Variants in FOXP1 observed in about 807,000 individuals in gnomAD.
The protein encoded by FOXP1 is forkhead box P1, also known as forkhead box protein P1.
In FOXP1, 15 loss-of-function variants were observed where a neutral mutation model predicts 98.2. The observed-to-expected ratio is 0.15, with a 90% CI of 0.10 to 0.24. The LOEUF (loss-of-function observed/expected upper bound fraction) is 0.24. Ranked by LOEUF, FOXP1 falls within the 10% of genes least tolerant of loss-of-function variation. The pLI, the probability that FOXP1 is intolerant of heterozygous loss-of-function variation, is 1.00. For missense variants in FOXP1, 633 were observed against 848.5 expected (o/e 0.75, Z 3.15); for synonymous variants, 371 against 314.5 (o/e 1.18, Z -1.90).
At chr3:71,283,226 C>T (rs775886599) in intron 5 of FOXP1, among the ~76,000 whole-genome samples, 4 of 152,150 alleles carry the variant, frequency 2.6e-5, no homozygotes, top group Non-Finnish European at 4.4e-5. Context: ...CTTGGGTTTA[C>T]GGACTCACAG....
intron 13 of FOXP1, among the ~76,000 whole-genome samples, chr3:70,996,194 G>A (rs1276218846): frequency 2.0e-5 from 3 of 152,180 alleles, no homozygotes; most frequent in East Asian, 3.9e-4. Context: ...ATGTTGGTCA[G>A]GCTGGTCTCG....
chr3:70,975,119 C>CG (rs2037221682), intron 17 of FOXP1, among the ~76,000 whole-genome samples: 1 of 152,184 alleles, frequency 6.6e-6, no homozygotes, highest in Non-Finnish European at 1.5e-5. Flanking sequence ...ATTAATGACA[C>CG]TTTTTCCTGC....
intron 6 of FOXP1, among the ~76,000 whole-genome samples, chr3:71,128,947 T>C (rs1248698649): frequency 6.6e-6 from 1 of 152,194 alleles, no homozygotes; most frequent in Admixed American, 6.5e-5. Flanking sequence ...AATGCATTTA[T>C]TATTTTCTGT....
intron 7 of FOXP1, among the ~76,000 whole-genome samples, chr3:71,079,701 A>T (rs1321842668): frequency 1.3e-5 from 2 of 152,116 alleles, no homozygotes; most frequent in African/African-American, 2.4e-5. Context: ...GGTTATTCCC[A>T]CTTATTACCT....
At chr3:71,530,980 T>A (rs999244647) in intron 2 of FOXP1, among the ~76,000 whole-genome samples, 3 of 152,188 alleles carry the variant, frequency 2.0e-5, no homozygotes, top group African/African-American at 7.2e-5. Context: ...TGGAAGTAGA[T>A]CATAATTTTA....
chr3:71,127,374 T>A (rs535083557), intron 6 of FOXP1, among the ~76,000 whole-genome samples: 3 of 152,322 alleles, frequency 2.0e-5, no homozygotes, highest in Admixed American at 2.0e-4. Context: ...TTGTGGAAGT[T>A]AAATTGCCAA....
At chr3:71,046,633 A>G (rs1019960972) in intron 10 of FOXP1, among the ~76,000 whole-genome samples, 5 of 152,190 alleles carry the variant, frequency 3.3e-5, no homozygotes, top group African/African-American at 1.2e-4. Flanking sequence ...TCCAAACAGA[A>G]ACACTGCAAG....
intron 3 of FOXP1, among the ~76,000 whole-genome samples, chr3:71,433,823 A>G (rs1446404116): frequency 6.6e-6 from 1 of 152,160 alleles, no homozygotes; most frequent in African/African-American, 2.4e-5. Context: ...GTCGGCAGGC[A>G]AGCAAAGGCG....
At position 70,976,511 on chromosome 3, in the gene FOXP1, T is replaced by C. The variant is rs73838119; in HGVS notation, c.1530+430A>G. Among the ~76,000 whole-genome samples the C allele has an allele frequency of 7.1e-3, 1,082 of 152,336 alleles. 15 individuals carry two copies. Among genetic ancestry groups the C allele is most frequent in the African/African-American group, 0.025 (1,042 of 41,570 alleles). ...GGTTAATGAGCTATTTATCCAACCA[T>C]TGAAGGCTGTGTCAAGTTTGGTCAT... On this transcript the variant is annotated intron_variant, in intron 17 of 20. Coordinates refer to ENST00000649528, the MANE Select transcript of FOXP1 (RefSeq NM_001349338.3).
In FOXP1 at chr3:71,151,331, C is replaced by T. The variant is rs528377533; in HGVS notation, c.181-38694G>A. 8.5e-5 allele frequency among the ~76,000 whole-genome samples: 13 copies of T among 152,266 alleles called. 1 individual carries two copies. Among genetic ancestry groups the T allele is most frequent in the East Asian group, 5.8e-4 (3 of 5,182 alleles). Reference sequence around the variant, plus strand: ...TAAGTTAAATTGGCAGCTTTCACTACGCGCGTCAGGATTTATATAATAGGA... The same window carrying T: ...TAAGTTAAATTGGCAGCTTTCACTATGCGCGTCAGGATTTATATAATAGGA... On this transcript the variant is annotated intron_variant, in intron 6 of 20. Coordinates refer to ENST00000649528, the MANE Select transcript of FOXP1 (RefSeq NM_001349338.3).
At chr3:71,361,808 C>A (rs76502345) in intron 3 of FOXP1, among the ~76,000 whole-genome samples, 3 of 152,180 alleles carry the variant, frequency 2.0e-5, no homozygotes, top group African/African-American at 7.2e-5. Context: ...ACAGACTAAC[C>A]AGCGCTTAGC....
At chr3:71,514,091 G>A (rs529042793) in intron 2 of FOXP1, among the ~76,000 whole-genome samples, 23 of 152,272 alleles carry the variant, frequency 1.5e-4, no homozygotes, top group African/African-American at 5.5e-4. Flanking sequence ...ACAAAGGCAA[G>A]TCCTTTAATG....
At chr3:71,283,936 C>T (rs2071831796) in intron 5 of FOXP1, among the ~76,000 whole-genome samples, 1 of 152,172 alleles carries the variant, frequency 6.6e-6, no homozygotes, top group African/African-American at 2.4e-5. Flanking sequence ...TCTCATCACC[C>T]TGGCTTTCCC....
At chr3:71,105,652 G>A (rs2057360426) in intron 7 of FOXP1, among the ~76,000 whole-genome samples, 1 of 152,018 alleles carries the variant, frequency 6.6e-6, no homozygotes, top group Non-Finnish European at 1.5e-5. Flanking sequence ...TAATAAACTA[G>A]TCCATGTTCC....
intron 2 of FOXP1, among the ~76,000 whole-genome samples, chr3:71,565,266 C>T (rs192151142): frequency 6.6e-5 from 10 of 152,214 alleles, no homozygotes; most frequent in South Asian, 2.1e-4. Flanking sequence ...CATTAACCCA[C>T]GGGCAGGCCT....
chr3:71,007,350 C>T (rs1009935456), intron 12 of FOXP1, among the ~76,000 whole-genome samples: 1 of 152,172 alleles, frequency 6.6e-6, no homozygotes, highest in Non-Finnish European at 1.5e-5. Flanking sequence ...CTCTACATGG[C>T]TGAAGTCTCC....
At chr3:71,068,031 T>G in intron 7 of FOXP1, among the ~76,000 whole-genome samples, 1 of 146,938 alleles carries the variant, frequency 6.8e-6, no homozygotes, top group Non-Finnish European at 1.5e-5. Context: ...ATACCTGTGG[T>G]GGGGGGGAGG....
At chr3:71,070,444 G>C (rs1243783562) in intron 7 of FOXP1, among the ~76,000 whole-genome samples, 4 of 152,126 alleles carry the variant, frequency 2.6e-5, no homozygotes, top group African/African-American at 9.7e-5. Context: ...GGTCCCTAAG[G>C]TTTCACGATA....
intron 2 of FOXP1, among the ~76,000 whole-genome samples, chr3:71,524,334 A>G (rs2043210871): frequency 6.6e-6 from 1 of 152,090 alleles, no homozygotes; most frequent in South Asian, 2.1e-4. Flanking sequence ...CTGCACTCCA[A>G]CGTGGGTGCC....
Sources: allele counts gnomAD v4.1 joint callset (sites outside exome capture counted in the v4.1 genomes callset), GRCh38; gene constraint gnomAD v4.1.1; transcripts MANE v1.5; gene names NCBI Gene and HGNC (gene_info 2026-07-23, HGNC 2026-07-21).